Variants in ZFPM2 observed in about 807,000 individuals in gnomAD.
The protein encoded by ZFPM2 is zinc finger protein, FOG family member 2.
ZFPM2 carries 20 observed loss-of-function variants against 98.6 expected under a neutral mutation model. The ratio of observed to expected loss-of-function variants is 0.20; its 90% CI spans 0.14 to 0.29. The LOEUF (loss-of-function observed/expected upper bound fraction) is 0.29. Among genes scored for constraint, ZFPM2 ranks in the 10% least tolerant of loss-of-function variants. ZFPM2 has a pLI of 1.00. For synonymous variants in ZFPM2, 518 were observed against 502.7 expected, an observed-to-expected ratio of 1.03 and a Z score of -0.41; for missense variants, 1,310 against 1,388.6, an observed-to-expected ratio of 0.94 and a Z score of 0.90.
chr8:105,372,137 G>T (rs1810636374), intron 1 of ZFPM2, among the ~76,000 whole-genome samples: 1 of 151,768 alleles, frequency 6.6e-6, no homozygotes, highest in South Asian at 2.1e-4. Context: ...CTGCCTGCTG[G>T]GTTCACGCCA....
chr8:105,624,352 C>A (rs2130822539), intron 4 of ZFPM2, among the ~76,000 whole-genome samples: 1 of 152,264 alleles, frequency 6.6e-6, no homozygotes, highest in South Asian at 2.1e-4. Flanking sequence ...ACTTTCAGAG[C>A]TGTATAAAAT....
At chr8:105,576,606 A>T (rs1320476534) in intron 4 of ZFPM2, among the ~76,000 whole-genome samples, 2 of 152,202 alleles carry the variant, frequency 1.3e-5, no homozygotes, top group Non-Finnish European at 2.9e-5. Context: ...ACATCCTGTC[A>T]TATTGGAAGA....
chr8:105,335,974 A>T (rs549262681), intron 1 of ZFPM2, among the ~76,000 whole-genome samples: 2 of 151,898 alleles, frequency 1.3e-5, no homozygotes, highest in South Asian at 4.1e-4. Flanking sequence ...GAAAATGAGG[A>T]TGTAGGTAAC....
chr8:105,344,110 A>G (rs116020801), intron 1 of ZFPM2, among the ~76,000 whole-genome samples: 1,677 of 152,216 alleles, frequency 0.011, 17 homozygotes, highest in African/African-American at 0.032. Flanking sequence ...TATCACGAGA[A>G]CAGTACAGGA....
chr8:105,688,670 A>G (rs1157541184), intron 5 of ZFPM2, among the ~76,000 whole-genome samples: 3 of 152,114 alleles, frequency 2.0e-5, no homozygotes, highest in African/African-American at 7.2e-5. Flanking sequence ...GAAGGAAGAT[A>G]TTATATAGTC....
At chr8:105,666,807 C>T (rs115212800) in intron 5 of ZFPM2, among the ~76,000 whole-genome samples, 231 of 149,772 alleles carry the variant, frequency 1.5e-3, no homozygotes, top group African/African-American at 5.4e-3. Context: ...CCACCAGACA[C>T]TCAAGCAAAG....
chr8:105,381,071 C>G (rs2129877241), intron 1 of ZFPM2, among the ~76,000 whole-genome samples: 1 of 145,348 alleles, frequency 6.9e-6, no homozygotes, highest in Middle Eastern at 3.4e-3. Flanking sequence ...TGCTATCCCT[C>G]CCCTTGCCCC....
At chr8:105,360,044 T>C (rs1812827563) in intron 1 of ZFPM2, among the ~76,000 whole-genome samples, 1 of 152,196 alleles carries the variant, frequency 6.6e-6, no homozygotes, top group Non-Finnish European at 1.5e-5. Flanking sequence ...GGCCCTATTT[T>C]GGCACTTAGG....
At chr8:105,580,817 C>A (rs1815575230) in intron 4 of ZFPM2, among the ~76,000 whole-genome samples, 2 of 112,170 alleles carry the variant, frequency 1.8e-5, no homozygotes, top group African/African-American at 3.9e-5. Flanking sequence ...CTCTCTCTCT[C>A]TCTCTCTCTC....
chr8:105,769,988 A>T (rs774151615), intron 5 of ZFPM2, among the ~76,000 whole-genome samples: 2 of 152,086 alleles, frequency 1.3e-5, no homozygotes, highest in Non-Finnish European at 2.9e-5. Flanking sequence ...TGTTAAAAAC[A>T]TTCTCTTTTT....
At chr8:105,727,267 G>A (rs1259827971) in intron 5 of ZFPM2, among the ~76,000 whole-genome samples, 1 of 151,392 alleles carries the variant, frequency 6.6e-6, no homozygotes, top group Non-Finnish European at 1.5e-5. Flanking sequence ...GGAGTTCAGG[G>A]CTGTAGGACT....
intron 6 of ZFPM2, among the ~76,000 whole-genome samples, chr8:105,795,487 G>A (rs556043920): frequency 1.7e-4 from 25 of 150,880 alleles, no homozygotes; most frequent in African/African-American, 4.6e-4. Context: ...TTTAAGGGCC[G>A]TAGACTTAAA....
chr8:105,800,997 A>G, intron 7 of ZFPM2, 50 bp from the exon 8 acceptor site: 1 of 1,538,960 alleles, frequency 6.5e-7, no homozygotes, highest in East Asian at 2.3e-5. Flanking sequence ...CTGTCATTCA[A>G]AAACCAACAC....
At chr8:105,485,815 T>A (rs1480780599) in intron 3 of ZFPM2, among the ~76,000 whole-genome samples, 1 of 152,026 alleles carries the variant, frequency 6.6e-6, no homozygotes, top group Non-Finnish European at 1.5e-5. Context: ...GGTAAGAGAA[T>A]CCAGACAAGG....
In ZFPM2 at chr8:105,635,044, G is replaced by A. The variant is rs116294615; in HGVS notation, c.532+687G>A. ...CCATAGCACAGGACCTTCCTCACGT[G>A]TGGTGTAGTTTTGGGGCACTTTTCT... On this transcript the variant is annotated intron_variant, in intron 5 of 7. Coordinates refer to ENST00000407775, the MANE Select transcript of ZFPM2 (RefSeq NM_012082.4). 3.9e-3 allele frequency among the ~76,000 whole-genome samples: 592 copies of A among 152,302 alleles called. 2 individuals carry two copies. Among genetic ancestry groups the A allele is most frequent in the African/African-American group, 0.013 (559 of 41,570 alleles).
intron 5 of ZFPM2, among the ~76,000 whole-genome samples, chr8:105,644,432 C>G (rs6990905): frequency 0.78 from 118,252 of 151,616 alleles, 46,741 homozygotes; most frequent in African/African-American, 0.91. Context: ...ACTCCTCCAA[C>G]ATGTTGCCTC....
At chr8:105,345,951 T>G (rs935683779) in intron 1 of ZFPM2, among the ~76,000 whole-genome samples, 3 of 152,168 alleles carry the variant, frequency 2.0e-5, no homozygotes, top group Non-Finnish European at 4.4e-5. Flanking sequence ...GATTTGAATG[T>G]TTTTTTCAAT....
At chr8:105,583,085 A>T (rs1042299953) in intron 4 of ZFPM2, among the ~76,000 whole-genome samples, 3 of 152,170 alleles carry the variant, frequency 2.0e-5, no homozygotes, top group African/African-American at 7.2e-5. Flanking sequence ...AAAGTGAGAA[A>T]TCAGTTATGC....
intron 4 of ZFPM2, among the ~76,000 whole-genome samples, chr8:105,587,011 T>C (rs1815734152): frequency 6.6e-6 from 1 of 151,560 alleles, no homozygotes. Context: ...GCACGGTGGC[T>C]CATGCCTGTA....
Sources: allele counts gnomAD v4.1 joint callset (sites outside exome capture counted in the v4.1 genomes callset), GRCh38; gene constraint gnomAD v4.1.1; transcripts MANE v1.5; gene names NCBI Gene and HGNC (gene_info 2026-07-23, HGNC 2026-07-21).